TBC1D22A: variants seen among roughly 807,000 people sequenced by gnomAD.
TBC1D22A encodes putative GTPase activator.
Under a neutral mutation model 60.2 loss-of-function variants are expected in TBC1D22A, and 38 were observed. That is an observed-to-expected ratio of 0.63 (90% confidence interval 0.49 to 0.83). The LOEUF is 0.83. Ranked by LOEUF, TBC1D22A falls within the 40% of genes least tolerant of loss-of-function variation. The pLI is 0.00. For synonymous variants in TBC1D22A, 302 were observed against 281.7 expected, an observed-to-expected ratio of 1.07 and a Z score of -0.72; for missense variants, 628 against 701.0, an observed-to-expected ratio of 0.90 and a Z score of 1.18.
intron 4 of TBC1D22A, among the ~76,000 whole-genome samples, chr22:46,831,429 C>G (rs1300063323): frequency 6.6e-6 from 1 of 152,146 alleles, no homozygotes; most frequent in Non-Finnish European, 1.5e-5. Context: ...CTCCCGGACT[C>G]GGAGCACAAG....
intron 11 of TBC1D22A, among the ~76,000 whole-genome samples, chr22:47,044,584 T>C (rs1319706085): frequency 6.6e-6 from 1 of 152,228 alleles, no homozygotes; most frequent in African/African-American, 2.4e-5. Context: ...TCTCCGTACA[T>C]TGTACTTTCT....
intron 10 of TBC1D22A, among the ~76,000 whole-genome samples, chr22:47,000,001 G>C (rs2075258877): frequency 6.6e-6 from 1 of 152,188 alleles, no homozygotes; most frequent in Non-Finnish European, 1.5e-5. Flanking sequence ...CTCCAGCCTG[G>C]GTGACAGAGC....
chr22:46,884,411 A>G (rs113031306), intron 5 of TBC1D22A, among the ~76,000 whole-genome samples: 226 of 152,322 alleles, frequency 1.5e-3, no homozygotes, highest in African/African-American at 5.3e-3. Flanking sequence ...ATCAGGGAAT[A>G]GTGCCCACCA....
intron 12 of TBC1D22A, among the ~76,000 whole-genome samples, chr22:47,159,161 T>C (rs746677986): frequency 1.4e-5 from 2 of 146,856 alleles, no homozygotes; most frequent in Non-Finnish European, 3.0e-5. Context: ...ACACACACCA[T>C]GTGTGCGGAT....
chr22:46,912,280 A>C (rs2069986955), intron 8 of TBC1D22A, 92 bp downstream of exon 8: 1 of 898,726 alleles, frequency 1.1e-6, no homozygotes, highest in Non-Finnish European at 1.7e-6. Flanking sequence ...ATTGCTACTA[A>C]GTGTAATGTT....
intron 12 of TBC1D22A, among the ~76,000 whole-genome samples, chr22:47,162,888 C>T (rs1287154585): frequency 6.6e-6 from 1 of 152,074 alleles, no homozygotes; most frequent in Admixed American, 6.5e-5. Context: ...GATATGTAGG[C>T]CCTCCCCTCG....
intron 10 of TBC1D22A, among the ~76,000 whole-genome samples, chr22:46,999,033 G>A (rs558382470): frequency 6.6e-6 from 1 of 152,322 alleles, no homozygotes; most frequent in East Asian, 1.9e-4. Flanking sequence ...ATGATTTGCA[G>A]TAGATGTGAA....
chr22:46,770,015 C>T (rs1457769939), intron 1 of TBC1D22A, among the ~76,000 whole-genome samples: 1 of 152,120 alleles, frequency 6.6e-6, no homozygotes, highest in Non-Finnish European at 1.5e-5. Flanking sequence ...TCCCTGACCC[C>T]TGTGAATATG....
rs8140625 is a variant in TBC1D22A at position 46,997,747 on chromosome 22, G to A, written c.1201+38G>A. 0.012 allele frequency: 18,713 copies of A among 1,601,406 alleles called. 743 individuals are homozygous for A. The African/African-American group carries it at 0.13, about 11-fold the overall frequency. On this transcript the variant is annotated intron_variant, in intron 10 of 12. Coordinates refer to ENST00000337137, the MANE Select transcript of TBC1D22A (RefSeq NM_014346.5). ...CCCGCGCAGCCCCTCTCTGTGGGCG[G>A]GGGGAGGTGGCCCTCAGCCCTCGGT...
At chr22:46,762,883 GGGTCAGA>G in intron 1 of TBC1D22A, 35 bp downstream of exon 1, 1 of 1,470,204 alleles carries the variant, frequency 6.8e-7, no homozygotes. Context: ...TCGGGGTCAG[GGGTCAGA>G]GGTCAGGTGG....
intron 1 of TBC1D22A, among the ~76,000 whole-genome samples, chr22:46,763,067 A>G (rs895317612): frequency 6.6e-6 from 1 of 151,906 alleles, no homozygotes; most frequent in African/African-American, 2.4e-5. Flanking sequence ...TGCAAGGACG[A>G]GGAGGAGCTA....
intron 12 of TBC1D22A, among the ~76,000 whole-genome samples, chr22:47,124,055 G>A (rs1170199541): frequency 6.6e-6 from 1 of 152,182 alleles, no homozygotes; most frequent in Non-Finnish European, 1.5e-5. Flanking sequence ...GGTCCATGGT[G>A]GGTGCGCTTA....
In TBC1D22A at chr22:47,028,754, A is replaced by G. The variant is rs1051098753; in HGVS notation, c.1202-8317A>G. Among the ~76,000 whole-genome samples the G allele has an allele frequency of 1.3e-5, 2 of 152,192 alleles. No individual in the cohort carries two copies. The highest frequency in any genetic ancestry group is 6.5e-5 in the Admixed American group (1 of 15,276). On this transcript the variant is annotated intron_variant, in intron 10 of 12. Transcript: ENST00000337137. This position sits in a 1 kb window ranked among gnomAD's most constrained non-coding sequence, Gnocchi z 4.4. ...ACGGTGGAGAAGTTATCTTGAGGGA[A>G]TGTGTTTGCAGTTTGGCCTCTGCCT...
intron 12 of TBC1D22A, among the ~76,000 whole-genome samples, chr22:47,156,924 C>T (rs2067742716): frequency 6.6e-6 from 1 of 152,224 alleles, no homozygotes; most frequent in African/African-American, 2.4e-5. Flanking sequence ...TCTTCAGTCC[C>T]ATGAACCTTG....
intron 12 of TBC1D22A, among the ~76,000 whole-genome samples, chr22:47,165,824 A>G (rs5766706): frequency 0.62 from 94,905 of 151,898 alleles, 30,704 homozygotes; most frequent in African/African-American, 0.78. Context: ...CACTGCAGAC[A>G]GCTGGCACTC....
intron 8 of TBC1D22A, among the ~76,000 whole-genome samples, chr22:46,970,572 A>G (rs541428791): frequency 2.6e-5 from 4 of 152,260 alleles, no homozygotes; most frequent in South Asian, 2.1e-4. Context: ...GGCCCCAGCC[A>G]TGGGGCTTCC....
At chr22:46,811,811 C>G (rs776490647) in intron 4 of TBC1D22A, among the ~76,000 whole-genome samples, 10 of 152,134 alleles carry the variant, frequency 6.6e-5, no homozygotes, top group African/African-American at 9.7e-5. Flanking sequence ...GGGGTCTGTT[C>G]TTGGAAGGTC....
chr22:47,024,136 C>T (rs548931405), intron 10 of TBC1D22A, among the ~76,000 whole-genome samples: 8 of 152,294 alleles, frequency 5.3e-5, no homozygotes, highest in South Asian at 2.1e-4. Flanking sequence ...GCCGGGTAAT[C>T]GTATCTGGAG....
chr22:46,904,577 T>C (rs1453773600), intron 7 of TBC1D22A, among the ~76,000 whole-genome samples: 2 of 151,910 alleles, frequency 1.3e-5, no homozygotes, highest in East Asian at 1.9e-4. Context: ...CAAGCCATTC[T>C]CCTGCCTCAG....
Sources: gnomAD v4.1 joint callset for allele counts (sites outside exome capture counted in the v4.1 genomes callset) on GRCh38, gnomAD v4.1.1 for gene constraint, Gnocchi (gnomAD v3.1) non-coding constraint, MANE v1.5 for transcripts, NCBI Gene and HGNC (gene_info 2026-07-23, HGNC 2026-07-21) for gene names.